THSD7A: variants seen among roughly 807,000 people sequenced by gnomAD.
THSD7A encodes thrombospondin type 1 domain containing 7A.
In THSD7A, 96 loss-of-function variants were observed where a neutral mutation model predicts 231.3. That is an observed-to-expected ratio of 0.41 (90% CI 0.35 to 0.49). THSD7A has a LOEUF of 0.49. THSD7A is among the 20% of genes least tolerant of loss of function. The pLI, the probability that THSD7A is intolerant of heterozygous loss-of-function variation, is 0.05. For missense variants in THSD7A, 2,290 were observed against 2,070.2 expected (o/e 1.11, Z -2.06); for synonymous variants, 940 against 743.3 (o/e 1.26, Z -4.30).
chr7:11,826,482 T>C (rs1015094476), intron 1 of THSD7A, among the ~76,000 whole-genome samples: 1 of 152,150 alleles, frequency 6.6e-6, no homozygotes, highest in African/African-American at 2.4e-5. Flanking sequence ...AATTGCCAAG[T>C]GAATATAACT....
chr7:11,797,778 A>T (rs927682148), intron 1 of THSD7A, among the ~76,000 whole-genome samples: 1 of 152,150 alleles, frequency 6.6e-6, no homozygotes, highest in Admixed American at 6.6e-5. Context: ...AGCATGCTAA[A>T]TTAATTTCTA....
intron 1 of THSD7A, among the ~76,000 whole-genome samples, chr7:11,653,338 T>G (rs73292680): frequency 0.1 from 15,485 of 151,732 alleles, 979 homozygotes; most frequent in Non-Finnish European, 0.15. Context: ...TCAAGTTGTT[T>G]GACTTCAGGG....
chr7:11,773,377 C>A (rs150833761), intron 1 of THSD7A, among the ~76,000 whole-genome samples: 1 of 151,798 alleles, frequency 6.6e-6, no homozygotes, highest in African/African-American at 2.4e-5. Context: ...TACTAAAATA[C>A]GAAATTAGCC....
At chr7:11,760,312 T>C (rs1357488171) in intron 1 of THSD7A, among the ~76,000 whole-genome samples, 1 of 152,060 alleles carries the variant, frequency 6.6e-6, no homozygotes, top group Non-Finnish European at 1.5e-5. Flanking sequence ...AGAAAGAACA[T>C]TCAGTAACGT....
intron 6 of THSD7A, among the ~76,000 whole-genome samples, chr7:11,537,876 C>T (rs575441397): frequency 6.6e-6 from 1 of 152,286 alleles, no homozygotes; most frequent in South Asian, 2.1e-4. Flanking sequence ...TCCACATGTG[C>T]TTAGACATAG....
chr7:11,658,451 AG>A (rs1298515641), intron 1 of THSD7A, among the ~76,000 whole-genome samples: 3 of 151,568 alleles, frequency 2.0e-5, no homozygotes, highest in Non-Finnish European at 4.4e-5. Flanking sequence ...TTTTTCACTC[AG>A]ATGGTGTTAA....
intron 2 of THSD7A, among the ~76,000 whole-genome samples, chr7:11,609,238 A>G (rs77985933): frequency 6.6e-6 from 1 of 152,174 alleles, no homozygotes; most frequent in East Asian, 1.9e-4. Context: ...TCTCACAAAG[A>G]ATAAAACATG....
intron 13 of THSD7A, among the ~76,000 whole-genome samples, chr7:11,437,729 G>A (rs541122039): frequency 1.6e-4 from 24 of 152,064 alleles, no homozygotes; most frequent in African/African-American, 5.3e-4. Flanking sequence ...TCAAATACGA[G>A]TATCCACTAT....
chr7:11,687,022 T>A (rs1780078955), intron 1 of THSD7A, among the ~76,000 whole-genome samples: 1 of 151,744 alleles, frequency 6.6e-6, no homozygotes, highest in Non-Finnish European at 1.5e-5. Context: ...AATAAAAAAA[T>A]AATATGTGGG....
At chr7:11,803,017 A>T (rs538914119) in intron 1 of THSD7A, among the ~76,000 whole-genome samples, 1 of 152,286 alleles carries the variant, frequency 6.6e-6, no homozygotes, top group South Asian at 2.1e-4. Flanking sequence ...ATCTGTGATA[A>T]ATCTAGAAAA....
chr7:11,580,432 G>A (rs545975954), intron 4 of THSD7A, among the ~76,000 whole-genome samples: 2 of 152,042 alleles, frequency 1.3e-5, no homozygotes, highest in African/African-American at 4.8e-5. Context: ...CTTGTGAAGG[G>A]TCAGTCTAAA....
At chr7:11,548,104 G>C (rs950514177) in intron 4 of THSD7A, among the ~76,000 whole-genome samples, 1 of 152,040 alleles carries the variant, frequency 6.6e-6, no homozygotes, top group Non-Finnish European at 1.5e-5. Flanking sequence ...AAGATTGATA[G>C]ATTGCTAGCT....
chr7:11,757,384 G>T (rs1782717924), intron 1 of THSD7A, among the ~76,000 whole-genome samples: 1 of 151,960 alleles, frequency 6.6e-6, no homozygotes, highest in Non-Finnish European at 1.5e-5. Context: ...AAGGCATTTA[G>T]CAATGCTACA....
intron 1 of THSD7A, among the ~76,000 whole-genome samples, chr7:11,682,496 G>A (rs926584134): frequency 6.6e-6 from 1 of 151,884 alleles, no homozygotes; most frequent in African/African-American, 2.4e-5. Context: ...ACAATAAAAA[G>A]CAAACAAACA....
intron 4 of THSD7A, among the ~76,000 whole-genome samples, chr7:11,548,232 C>T (rs1789480346): frequency 6.6e-6 from 1 of 152,022 alleles, no homozygotes; most frequent in Admixed American, 6.5e-5. Context: ...TATGATACCT[C>T]TATGCACACA....
intron 23 of THSD7A, among the ~76,000 whole-genome samples, chr7:11,394,003 G>A (rs1783084651): frequency 6.6e-6 from 1 of 151,948 alleles, no homozygotes; most frequent in African/African-American, 2.4e-5. Context: ...TCAAATTCAG[G>A]AAATACAGAG....
intron 1 of THSD7A, among the ~76,000 whole-genome samples, chr7:11,665,842 T>C (rs1180903783): frequency 6.6e-6 from 1 of 152,072 alleles, no homozygotes; most frequent in Non-Finnish European, 1.5e-5. Flanking sequence ...TGAATTTGCA[T>C]ATAGAATGAT....
intron 6 of THSD7A, among the ~76,000 whole-genome samples, chr7:11,513,952 C>T (rs893306379): frequency 1.3e-5 from 2 of 151,928 alleles, no homozygotes; most frequent in Admixed American, 1.3e-4. Context: ...CACACACACA[C>T]ACAAATGTAC....
chr7:11,669,588 G>C (rs151270171), intron 1 of THSD7A, among the ~76,000 whole-genome samples: 1 of 151,418 alleles, frequency 6.6e-6, no homozygotes, highest in Non-Finnish European at 1.5e-5. Flanking sequence ...TTTGGTTATG[G>C]TTTCCTTGTA....
Sources: gnomAD v4.1 joint callset for allele counts (sites outside exome capture counted in the v4.1 genomes callset) on GRCh38, gnomAD v4.1.1 for gene constraint, MANE v1.5 for transcripts, NCBI Gene and HGNC (gene_info 2026-07-23, HGNC 2026-07-21) for gene names.